Variants in CLIC4 observed in about 807,000 individuals in gnomAD.
CLIC4 encodes chloride intracellular channel protein 4.
Under a neutral mutation model 24.6 loss-of-function variants are expected in CLIC4, and 13 were observed. The observed-to-expected ratio is 0.53, with a 90% CI of 0.34 to 0.84. CLIC4 has a LOEUF of 0.84. CLIC4 is among the 40% of genes least tolerant of loss of function. The probability of loss-of-function intolerance (pLI) is 0.01; values close to 1 mark genes in which losing one functional copy is unlikely to be tolerated. For synonymous variants in CLIC4, 104 were observed against 111.3 expected (o/e 0.93, Z 0.41); for missense variants, 227 against 301.7 (o/e 0.75, Z 1.83).
At chr1:24,839,759 A>T in intron 4 of CLIC4, 101 bp from the exon 5 acceptor site, 1 of 1,026,854 alleles carries the variant, frequency 9.7e-7, no homozygotes, top group South Asian at 1.8e-5. Flanking sequence ...TTCAGAGTAA[A>T]CATTTTTAAA....
At chr1:24,824,299 C>T (rs183499042) in intron 3 of CLIC4, among the ~76,000 whole-genome samples, 84 of 152,228 alleles carry the variant, frequency 5.5e-4, no homozygotes, top group African/African-American at 1.9e-3. Context: ...GACGCAGTCT[C>T]GCTCTGTCAC....
chr1:24,752,604 T>C (rs576268512), intron 1 of CLIC4, among the ~76,000 whole-genome samples: 1 of 152,220 alleles, frequency 6.6e-6, no homozygotes, highest in Non-Finnish European at 1.5e-5. Context: ...CTTAATCACA[T>C]AGCTTCATCT....
intron 4 of CLIC4, among the ~76,000 whole-genome samples, chr1:24,834,914 CGGGAGA>C (rs1451410751): frequency 0.19 from 5 of 26 alleles, 2 homozygotes; most frequent in African/African-American, 0.19. Context: ...GAGAGGGAGA[CGGGAGA>C]GGGAGAGGGA....
At chr1:24,768,927 G>GAAAGAA (rs1639040504) in intron 1 of CLIC4, among the ~76,000 whole-genome samples, 1 of 144,540 alleles carries the variant, frequency 6.9e-6, no homozygotes, top group Non-Finnish European at 1.5e-5. Flanking sequence ...AAAAGAAAAA[G>GAAAGAA]AAAGAAAACT....
rs887520414 is a variant in CLIC4, at chr1:24,842,352, G to A, written c.*1415G>A. 2.0e-5 allele frequency: 3 copies of A among 152,096 alleles called. No homozygotes were observed. The highest frequency in any genetic ancestry group is 2.0e-4 in the Admixed American group (3 of 15,280). The allele number at this position is 152,096 out of a possible 1,614,324, so 9.4% of individuals were successfully genotyped here. A position where few individuals can be genotyped will look rare whatever the true frequency, so the allele number is the denominator to read the frequency against. ...ACAAAAGCAAAACCAGACTTTCTACGTACTACTCCAAAGACTGTGATTGTG... is the reference window on the plus strand; with the variant it reads ...ACAAAAGCAAAACCAGACTTTCTACATACTACTCCAAAGACTGTGATTGTG... On this transcript the variant is annotated 3_prime_UTR_variant, in exon 6 of 6. Coordinates refer to ENST00000374379, the MANE Select transcript of CLIC4 (RefSeq NM_013943.3).
rs183251309 is a variant in CLIC4, at chr1:24,748,426, A to G, written c.72+2801A>G. ...TTAAGCCTTGTTTGTCTCATTTGTG[A>G]AATAAGAAATGTTTTCTGCTACCCA... On this transcript the variant is annotated intron_variant, in intron 1 of 5. Transcript: ENST00000374379. Among the ~76,000 whole-genome samples, 215 of 151,356 alleles carry G rather than the reference A, an allele frequency of 1.4e-3. 1 individual carries two copies. The highest frequency in any genetic ancestry group is 7.4e-4 in the Non-Finnish European group (50 of 67,924).
chr1:24,814,006 C>T lies in CLIC4; in HGVS notation c.183-88C>T, dbSNP rs1399403323. On this transcript the variant is annotated intron_variant, in intron 2 of 5. Coordinates refer to ENST00000374379, the MANE Select transcript of CLIC4 (RefSeq NM_013943.3). Reference sequence around the variant, plus strand: ...TGCTACGACTACAGACGCAAGCCACCGTGCCTGGCCAACTTTGAGAATTTA... The same window carrying T: ...TGCTACGACTACAGACGCAAGCCACTGTGCCTGGCCAACTTTGAGAATTTA... 9.8e-6 allele frequency: 15 copies of T among 1,530,506 alleles called. No homozygotes were observed. In the East Asian group the frequency reaches 1.4e-4, roughly 14 times the overall value. 94.8% of individuals were successfully genotyped at this position (1,530,506 alleles called of 1,614,324 possible). A position where few individuals can be genotyped will look rare whatever the true frequency, so the allele number is the denominator to read the frequency against.
chr1:24,837,155 TAA>T lies in CLIC4; in HGVS notation c.416-2698_416-2697del, dbSNP rs370986559. ...CTGGTTCTTTGCAAAGTCTAACAAATAAAAAAAATGGATAAATCCTTGAAAAG... is the reference window on the plus strand; with the variant it reads ...CTGGTTCTTTGCAAAGTCTAACAAATAAAAAATGGATAAATCCTTGAAAAG... On this transcript the variant is annotated intron_variant, in intron 4 of 5. Coordinates refer to ENST00000374379, the MANE Select transcript of CLIC4 (RefSeq NM_013943.3). Among the ~76,000 whole-genome samples, 120 of 150,466 alleles carry T rather than the reference TAA, an allele frequency of 8.0e-4. 1 individual carries two copies. Among genetic ancestry groups the T allele is most frequent in the Admixed American group, 2.0e-3 (30 of 15,124 alleles).
chr1:24,795,182 A>G (rs1233734356), intron 1 of CLIC4, among the ~76,000 whole-genome samples: 2 of 152,194 alleles, frequency 1.3e-5, no homozygotes, highest in Non-Finnish European at 2.9e-5. Flanking sequence ...TGAACCTAAA[A>G]TAAAAGTTAA....
In CLIC4 at chr1:24,745,478, G is replaced by A; in HGVS notation, c.-76G>A. On this transcript the variant is annotated 5_prime_UTR_variant, in exon 1 of 6. Transcript: ENST00000374379. The stretch of plus-strand genomic sequence containing the variant: ...GCGAGCAGCACGGCGGGAACCGGCA[G>A]CCGGAGCAGTCCCGGAGCAGAAGCA... 1 of 1,390,916 alleles carries A rather than the reference G, an allele frequency of 7.2e-7. No individual in the cohort carries two copies. Among genetic ancestry groups the A allele is most frequent in the Non-Finnish European group, 9.8e-7 (1 of 1,017,712 alleles). The allele number at this position is 1,390,916 out of a possible 1,614,324, so 86.2% of individuals were successfully genotyped here.
At chr1:24,831,312 C>G (rs987770600) in intron 4 of CLIC4, among the ~76,000 whole-genome samples, 1 of 152,202 alleles carries the variant, frequency 6.6e-6, no homozygotes, top group Admixed American at 6.5e-5. Flanking sequence ...ATCCACCCAG[C>G]TTGGCCTCCC....
intron 2 of CLIC4, among the ~76,000 whole-genome samples, chr1:24,810,810 G>A (rs1274679102): frequency 1.3e-5 from 2 of 151,952 alleles, no homozygotes; most frequent in Non-Finnish European, 2.9e-5. Context: ...TTATGGCCGG[G>A]TACGGTGGCT....
chr1:24,802,759 G>T (rs2124139543), intron 2 of CLIC4, among the ~76,000 whole-genome samples: 1 of 150,086 alleles, frequency 6.7e-6, no homozygotes, highest in South Asian at 2.1e-4. Flanking sequence ...ACCGAGGCTG[G>T]AGTGCAGTGG....
intron 1 of CLIC4, among the ~76,000 whole-genome samples, chr1:24,785,386 G>A (rs1639255244): frequency 2.0e-5 from 3 of 152,164 alleles, no homozygotes; most frequent in Admixed American, 6.5e-5. Flanking sequence ...TTTCACAGAT[G>A]TTAAGTAACT....
At chr1:24,815,837 G>A (rs1639662538) in intron 3 of CLIC4, among the ~76,000 whole-genome samples, 1 of 152,160 alleles carries the variant, frequency 6.6e-6, no homozygotes, top group Non-Finnish European at 1.5e-5. Flanking sequence ...ACCCACAGTA[G>A]AACCTTTTTC....
At chr1:24,752,572 G>A (rs1455555770) in intron 1 of CLIC4, among the ~76,000 whole-genome samples, 2 of 152,126 alleles carry the variant, frequency 1.3e-5, no homozygotes, top group Admixed American at 6.6e-5. Flanking sequence ...TGTTACTTCC[G>A]GTCACATTCT....
At chr1:24,784,132 T>G (rs529027714) in intron 1 of CLIC4, among the ~76,000 whole-genome samples, 1 of 152,238 alleles carries the variant, frequency 6.6e-6, no homozygotes, top group Admixed American at 6.5e-5. Context: ...ATGGGAGGGT[T>G]TTTGTTTGCT....
At chr1:24,837,619 T>C (rs1423764979) in intron 4 of CLIC4, among the ~76,000 whole-genome samples, 1 of 152,188 alleles carries the variant, frequency 6.6e-6, no homozygotes, top group Non-Finnish European at 1.5e-5. Flanking sequence ...CTTTCTTTAA[T>C]ATAGATGCAA....
At chr1:24,771,552 A>C (rs113072249) in intron 1 of CLIC4, among the ~76,000 whole-genome samples, 3,094 of 152,208 alleles carry the variant, frequency 0.02, 99 homozygotes, top group African/African-American at 0.071. Flanking sequence ...ACAAACCTTT[A>C]TATATAGGAG....
Sources: gnomAD v4.1 joint callset for allele counts (sites outside exome capture counted in the v4.1 genomes callset) on GRCh38, gnomAD v4.1.1 for gene constraint, MANE v1.5 for transcripts, NCBI Gene and HGNC (gene_info 2026-07-23, HGNC 2026-07-21) for gene names.